Variants in SIK3 observed in about 807,000 individuals in gnomAD.
SIK3 encodes SIK family kinase 3, also known as serine/threonine-protein kinase SIK3.
In SIK3, 28 loss-of-function variants were observed where a neutral mutation model predicts 144.2. The ratio of observed to expected loss-of-function variants is 0.19; its 90% CI spans 0.14 to 0.27. The LOEUF (loss-of-function observed/expected upper bound fraction) is 0.27, where lower values mean the gene tolerates loss of function less well. SIK3 is among the 10% of genes least tolerant of loss of function. SIK3 has a pLI of 1.00. For synonymous variants in SIK3, 686 were observed against 676.3 expected, an observed-to-expected ratio of 1.01 and a Z score of -0.22; for missense variants, 1,319 against 1,776.0, an observed-to-expected ratio of 0.74 and a Z score of 4.62.
chr11:116,850,316 C>T (rs536464125), intron 21 of SIK3, among the ~76,000 whole-genome samples: 1 of 152,322 alleles, frequency 6.6e-6, no homozygotes, highest in South Asian at 2.1e-4. Flanking sequence ...CCTCTCCATA[C>T]ATTCTAAGCT....
At chr11:116,934,265 A>G (rs569384148) in intron 3 of SIK3, among the ~76,000 whole-genome samples, 23 of 152,352 alleles carry the variant, frequency 1.5e-4, no homozygotes, top group Admixed American at 5.9e-4. Context: ...TAAGCACTTA[A>G]TAAGTATTTA....
intron 1 of SIK3, among the ~76,000 whole-genome samples, chr11:117,014,215 T>C (rs898891703): frequency 1.5e-4 from 23 of 151,902 alleles, no homozygotes; most frequent in African/African-American, 5.5e-4. Flanking sequence ...ATGTTGATTA[T>C]TTTAGGGCAG....
chr11:116,880,302 C>CAA (rs200871318), intron 6 of SIK3, among the ~76,000 whole-genome samples: 36 of 136,928 alleles, frequency 2.6e-4, no homozygotes, highest in African/African-American at 8.1e-4. Flanking sequence ...GAAAATTCTC[C>CAA]AAAAAAAAAA....
intron 1 of SIK3, among the ~76,000 whole-genome samples, chr11:117,047,768 C>T (rs570912154): frequency 6.6e-6 from 1 of 152,098 alleles, no homozygotes; most frequent in South Asian, 2.1e-4. Flanking sequence ...CATAGTGAGA[C>T]CTCATATTTA....
At chr11:116,921,313 T>C (rs991263869) in intron 4 of SIK3, among the ~76,000 whole-genome samples, 2 of 152,240 alleles carry the variant, frequency 1.3e-5, no homozygotes, top group East Asian at 1.9e-4. Flanking sequence ...ATTATATATA[T>C]GCAAAGCATA....
intron 1 of SIK3, among the ~76,000 whole-genome samples, chr11:117,070,702 T>C (rs1031389054): frequency 1.6e-4 from 24 of 151,962 alleles, no homozygotes; most frequent in Non-Finnish European, 2.5e-4. Context: ...CGCCTCTGCC[T>C]TCCAAAGTGC....
chr11:116,922,505 G>A (rs991160231), intron 4 of SIK3, among the ~76,000 whole-genome samples: 8 of 151,976 alleles, frequency 5.3e-5, no homozygotes, highest in Admixed American at 2.6e-4. Flanking sequence ...AAGGGGGAAG[G>A]GGCGGGCATG....
intron 1 of SIK3, among the ~76,000 whole-genome samples, chr11:117,019,225 G>A (rs1380948561): frequency 6.6e-6 from 1 of 151,708 alleles, no homozygotes; most frequent in African/African-American, 2.4e-5. Flanking sequence ...TCACCGTGTT[G>A]CCCAGGCTGG....
At chr11:116,910,858 A>G (rs903452828) in intron 4 of SIK3, among the ~76,000 whole-genome samples, 1 of 152,246 alleles carries the variant, frequency 6.6e-6, no homozygotes, top group African/African-American at 2.4e-5. Context: ...TAAGGCAAAG[A>G]AAGGATTCCC....
chr11:117,084,385 C>T (rs538237065), intron 1 of SIK3, among the ~76,000 whole-genome samples: 31 of 152,198 alleles, frequency 2.0e-4, no homozygotes, highest in African/African-American at 7.5e-4. Context: ...CTGCCTCAGA[C>T]CTCTCGAGTA....
chr11:117,040,278 A>T (rs1164821847), intron 1 of SIK3, among the ~76,000 whole-genome samples: 1 of 152,222 alleles, frequency 6.6e-6, no homozygotes, highest in Non-Finnish European at 1.5e-5. Flanking sequence ...TGAGCATGTG[A>T]CTGAGTAAGT....
chr11:117,093,588 C>T (rs1955340874), intron 1 of SIK3, among the ~76,000 whole-genome samples: 2 of 150,390 alleles, frequency 1.3e-5, no homozygotes, highest in African/African-American at 4.9e-5. Flanking sequence ...ATTAGTTACA[C>T]AAAACACACT....
At chr11:116,975,434 A>T (rs551307201) in intron 1 of SIK3, among the ~76,000 whole-genome samples, 1 of 151,942 alleles carries the variant, frequency 6.6e-6, no homozygotes, top group South Asian at 2.1e-4. Flanking sequence ...CCTATACTAA[A>T]TATTTCATCT....
At chr11:117,051,001 G>T (rs1251144072) in intron 1 of SIK3, among the ~76,000 whole-genome samples, 2 of 152,080 alleles carry the variant, frequency 1.3e-5, no homozygotes, top group Admixed American at 6.5e-5. Flanking sequence ...TTTCTAGGTG[G>T]GTCTCTGAGG....
chr11:116,993,772 A>G (rs927068293), intron 1 of SIK3, among the ~76,000 whole-genome samples: 5 of 152,216 alleles, frequency 3.3e-5, no homozygotes, highest in African/African-American at 1.2e-4. Context: ...AAAACCTCTG[A>G]AATGCTTTTA....
At chr11:117,049,754 G>C (rs1953140767) in intron 1 of SIK3, among the ~76,000 whole-genome samples, 1 of 152,090 alleles carries the variant, frequency 6.6e-6, no homozygotes, top group Admixed American at 6.5e-5. Context: ...CCAGGAGTTT[G>C]AGACCAGCCT....
intron 1 of SIK3, among the ~76,000 whole-genome samples, chr11:116,992,476 T>C (rs1022751927): frequency 6.6e-6 from 1 of 152,118 alleles, no homozygotes; most frequent in Admixed American, 6.6e-5. Context: ...CAAAATTACA[T>C]TGAGGCCAAA....
intron 1 of SIK3, among the ~76,000 whole-genome samples, chr11:116,982,915 G>A (rs1950195084): frequency 8.2e-6 from 1 of 122,392 alleles, no homozygotes; most frequent in East Asian, 2.3e-4. Flanking sequence ...CTGCACTCCA[G>A]CCTGGGTGAC....
chr11:117,035,391 T>C (rs557619055), intron 1 of SIK3, among the ~76,000 whole-genome samples: 1 of 152,354 alleles, frequency 6.6e-6, no homozygotes, highest in Admixed American at 6.5e-5. Context: ...TATCAATTCA[T>C]TAATTCTATT....
Sources: gnomAD v4.1 joint callset for allele counts (sites outside exome capture counted in the v4.1 genomes callset) on GRCh38, gnomAD v4.1.1 for gene constraint, MANE v1.5 for transcripts, NCBI Gene and HGNC (gene_info 2026-07-23, HGNC 2026-07-21) for gene names.